The following SOX5 variants were observed in gnomAD, a reference collection of about 807,000 sequenced individuals.
The protein encoded by SOX5 is transcription factor SOX-5.
In SOX5, 9 loss-of-function variants were observed where a neutral mutation model predicts 92.0. That is an observed-to-expected ratio of 0.10 (90% CI 0.06 to 0.17). The LOEUF (loss-of-function observed/expected upper bound fraction) is 0.17. Ranked by LOEUF, SOX5 falls within the 10% of genes least tolerant of loss-of-function variation. SOX5 has a pLI of 1.00. For missense variants in SOX5, 642 were observed against 944.5 expected (o/e 0.68, Z 4.20); for synonymous variants, 344 against 336.3 (o/e 1.02, Z -0.25).
At chr12:24,061,763 A>AC (rs1939764454) in intron 4 of SOX5, among the ~76,000 whole-genome samples, 1 of 151,560 alleles carries the variant, frequency 6.6e-6, no homozygotes, top group Non-Finnish European at 1.5e-5. Flanking sequence ...AAAAAAAAAA[A>AC]CCTTTCTCTT....
intron 2 of SOX5, among the ~76,000 whole-genome samples, chr12:24,332,992 C>T (rs751196700): frequency 8.6e-5 from 13 of 151,870 alleles, no homozygotes; most frequent in Non-Finnish European, 1.8e-4. Flanking sequence ...GATTGGTTTA[C>T]CAAGAAACAG....
Position 24,254,944 on chromosome 12 carries a change from C to A in SOX5, c.-77+22272G>T, listed in dbSNP as rs114194364. Among the ~76,000 whole-genome samples, 599 of 152,070 alleles carry A rather than the reference C, an allele frequency of 3.9e-3. 4 individuals are homozygous for A. The highest frequency in any genetic ancestry group is 0.014 in the African/African-American group (563 of 41,482). On this transcript the variant is annotated intron_variant, in intron 3 of 4. Transcript: ENST00000446891. ...TTACTCCTAAAGAAGAGGTAAGAAA[C>A]AGAAGAGGAGATCACAGTGGCTCTT...
chr12:24,011,627 C>T (rs191078752), intron 4 of SOX5, among the ~76,000 whole-genome samples: 3 of 152,236 alleles, frequency 2.0e-5, no homozygotes, highest in Admixed American at 2.0e-4. Flanking sequence ...GCTCATTCTT[C>T]TTGCTGTGCC....
intron 4 of SOX5, among the ~76,000 whole-genome samples, chr12:24,197,074 C>T (rs1301040360): frequency 6.6e-6 from 1 of 152,114 alleles, no homozygotes; most frequent in Non-Finnish European, 1.5e-5. Context: ...CTCAGAATGG[C>T]CTAGCCTATA....
chr12:23,796,032 G>A (rs1304783863), intron 3 of SOX5, among the ~76,000 whole-genome samples: 1 of 152,098 alleles, frequency 6.6e-6, no homozygotes, highest in African/African-American at 2.4e-5. Flanking sequence ...GCCACATAAA[G>A]GGGAGTCTAG....
intron 1 of SOX5, among the ~76,000 whole-genome samples, chr12:23,926,364 G>C (rs564906970): frequency 5.9e-5 from 9 of 152,128 alleles, no homozygotes; most frequent in African/African-American, 1.9e-4. Flanking sequence ...GAAGAAAATA[G>C]GTAAGCTGTG....
Position 23,787,126 on chromosome 12 carries a change from C to T in SOX5, c.482-31402G>A, listed in dbSNP as rs1004863640. ...GGAAGGAGTAGAGTATGCATTAGAA[C>T]CACATAATTTCTATACATCTTCAAA... On this transcript the variant is annotated intron_variant, in intron 3 of 14. Coordinates refer to ENST00000451604, the MANE Select transcript of SOX5 (RefSeq NM_006940.6). Among the ~76,000 whole-genome samples the T allele has an allele frequency of 6.3e-5, 7 of 110,414 alleles. 2 individuals are homozygous for T. Among genetic ancestry groups the T allele is most frequent in the South Asian group, 6.1e-4 (2 of 3,268 alleles). The allele number at this position is 110,414 out of a possible 152,430, so 72.4% of individuals were successfully genotyped here.
chr12:23,590,142 G>A (rs1003262134), intron 9 of SOX5, among the ~76,000 whole-genome samples: 2 of 151,830 alleles, frequency 1.3e-5, no homozygotes, highest in African/African-American at 4.8e-5. Flanking sequence ...AACCCAGAGA[G>A]GTCCAGTGTC....
intron 2 of SOX5, among the ~76,000 whole-genome samples, chr12:24,285,790 A>G (rs921347052): frequency 2.0e-5 from 3 of 152,240 alleles, no homozygotes; most frequent in African/African-American, 7.2e-5. Context: ...CTCTTACAAA[A>G]TTACATTTTG....
intron 3 of SOX5, chr12:24,227,328 T>C (rs1962288183): frequency 2.0e-5 from 3 of 152,316 alleles, no homozygotes; most frequent in South Asian, 4.1e-4. Flanking sequence ...GAAGAACGTC[T>C]GTGTTCATGT....
chr12:24,290,343 CA>C lies in SOX5; in HGVS notation c.-173-13032del, dbSNP rs778180430. Among the ~76,000 whole-genome samples the C allele has an allele frequency of 9.7e-4, 147 of 152,262 alleles. 1 individual carries two copies. The highest frequency in any genetic ancestry group is 6.8e-3 in the Middle Eastern group (2 of 294). ...ATCATACAATGTTAGGTTGATTCCA[CA>C]AAAATATATTTGGCTAATGATAGTA... On this transcript the variant is annotated intron_variant, in intron 2 of 4. Coordinates refer to the SOX5 transcript ENST00000446891.
At chr12:24,505,677 T>C (rs73291641) in intron 1 of SOX5, among the ~76,000 whole-genome samples, 3,169 of 152,366 alleles carry the variant, frequency 0.021, 42 homozygotes, top group Middle Eastern at 0.034. Context: ...AAGCAATTTT[T>C]TTAATTTTAT....
At chr12:24,432,434 T>C (rs1283210036) in intron 1 of SOX5, among the ~76,000 whole-genome samples, 1 of 152,164 alleles carries the variant, frequency 6.6e-6, no homozygotes, top group African/African-American at 2.4e-5. Flanking sequence ...AGAGGAGATG[T>C]ACATTTATAG....
At chr12:24,071,522 C>T (rs1941774702) in intron 4 of SOX5, among the ~76,000 whole-genome samples, 1 of 152,200 alleles carries the variant, frequency 6.6e-6, no homozygotes, top group Non-Finnish European at 1.5e-5. Flanking sequence ...GCAAGCTCTG[C>T]CTCCCAGGTT....
At chr12:24,172,124 G>T (rs539997255) in intron 4 of SOX5, among the ~76,000 whole-genome samples, 1 of 152,052 alleles carries the variant, frequency 6.6e-6, no homozygotes, top group Non-Finnish European at 1.5e-5. Context: ...TGTGCTGTAA[G>T]CAGGCTTGGG....
At chr12:24,365,735 T>A (rs1956106597) in intron 2 of SOX5, among the ~76,000 whole-genome samples, 1 of 150,250 alleles carries the variant, frequency 6.7e-6, no homozygotes. Flanking sequence ...AGACACAGGC[T>A]TCTATAGCAA....
At chr12:24,014,808 G>C (rs1214658868) in intron 4 of SOX5, among the ~76,000 whole-genome samples, 1 of 152,092 alleles carries the variant, frequency 6.6e-6, no homozygotes, top group Non-Finnish European at 1.5e-5. Flanking sequence ...TTCACAATCT[G>C]GGGGCCTTGT....
intron 1 of SOX5, among the ~76,000 whole-genome samples, chr12:24,447,476 C>A (rs1596749133): frequency 6.6e-6 from 1 of 152,102 alleles, no homozygotes; most frequent in South Asian, 2.1e-4. Flanking sequence ...GACATGACAA[C>A]TAAAAGTAAT....
chr12:23,959,180 T>C (rs1378755526), intron 4 of SOX5, among the ~76,000 whole-genome samples: 2 of 151,856 alleles, frequency 1.3e-5, no homozygotes, highest in South Asian at 2.1e-4. Context: ...TCAAAATTTA[T>C]ATAAAATTAA....
Sources: allele counts gnomAD v4.1 joint callset (sites outside exome capture counted in the v4.1 genomes callset), GRCh38; gene constraint gnomAD v4.1.1; transcripts MANE v1.5; gene names NCBI Gene and HGNC (gene_info 2026-07-23, HGNC 2026-07-21).